LAMA1: variants seen among roughly 807,000 people sequenced by gnomAD.
LAMA1 encodes the protein laminin subunit alpha 1.
LAMA1 carries 219 observed loss-of-function variants against 348.7 expected under a neutral mutation model. The observed-to-expected ratio is 0.63, with a 90% CI of 0.56 to 0.70. The LOEUF is 0.70. Among genes scored for constraint, LAMA1 ranks in the 30% least tolerant of loss-of-function variants. LAMA1 has a pLI of 0.00. For synonymous variants in LAMA1, 1,487 were observed against 1,491.0 expected, an observed-to-expected ratio of 1.00 and a Z score of 0.06; for missense variants, 3,744 against 3,888.0, an observed-to-expected ratio of 0.96 and a Z score of 0.99.
At chr18:7,057,029 G>A (rs2058084897) in intron 3 of LAMA1, among the ~76,000 whole-genome samples, 1 of 152,044 alleles carries the variant, frequency 6.6e-6, no homozygotes. Context: ...ACGCCACCAT[G>A]TCCAGCTAAT....
chr18:7,049,254 G>C lies in LAMA1; in HGVS notation c.592C>G (p.His198Asp). 3 of 1,613,212 alleles carry C rather than the reference G, an allele frequency of 1.9e-6. No individual in the cohort carries two copies. The highest frequency in any genetic ancestry group is 2.5e-6 in the Non-Finnish European group (3 of 1,179,198). Reference protein sequence around the residue: ...RLVPLEHGEIHTSLINGRPSA... With the variant: ...RLVPLEHGEIDTSLINGRPSA... ...GGTCTGCCATTGATGAGTGATGTAT[G>C]AATCTGAAGATGAAGGCATCAAAAT... is the stretch of plus-strand genomic sequence containing the variant. The change falls in exon 5 of 63, where the codon CAT (histidine) becomes GAT (aspartate). Residue 198 changes from histidine (H) to aspartate (D), a missense_variant. By Grantham distance (81) the His-to-Asp change is moderately conservative. Coordinates refer to ENST00000389658, the MANE Select transcript of LAMA1 (RefSeq NM_005559.4).
intron 50 of LAMA1, 115 bp downstream of exon 50, chr18:6,965,173 T>C (rs1158948193): frequency 5.2e-6 from 7 of 1,334,664 alleles, no homozygotes; most frequent in South Asian, 3.6e-5. Context: ...GGCTTCCAAG[T>C]AGACTATCAT....
intron 56 of LAMA1, chr18:6,956,127 C>G (rs16950866): frequency 0.029 from 9,225 of 322,182 alleles, 282 homozygotes; most frequent in African/African-American, 0.091. Flanking sequence ...TTGAATGCTT[C>G]TGCCATCTTC....
At chr18:7,051,076 T>G in intron 3 of LAMA1, 140 bp from the exon 4 acceptor site, 1 of 1,124,400 alleles carries the variant, frequency 8.9e-7, no homozygotes, top group South Asian at 1.4e-5. Flanking sequence ...GTGGCTGCCA[T>G]GAGGTGCGAG....
chr18:7,102,430 A>C (rs1259926690), intron 1 of LAMA1, among the ~76,000 whole-genome samples: 3 of 152,112 alleles, frequency 2.0e-5, no homozygotes, highest in Admixed American at 6.5e-5. Context: ...AAAAAAAAGA[A>C]AAACCTCTAC....
chr18:6,942,654 T>A (rs2057504358), intron 62 of LAMA1, among the ~76,000 whole-genome samples: 1 of 152,132 alleles, frequency 6.6e-6, no homozygotes, highest in Non-Finnish European at 1.5e-5. Flanking sequence ...CCTCAAGTGA[T>A]CCACCCACCT....
At chr18:7,051,039 T>C in intron 3 of LAMA1, 103 bp from the exon 4 acceptor site, 1 of 1,440,452 alleles carries the variant, frequency 6.9e-7, no homozygotes. Flanking sequence ...TCTAAGATAG[T>C]TGAACTTAGA....
chr18:6,989,815 C>G (rs1034268492), intron 36 of LAMA1, among the ~76,000 whole-genome samples: 1 of 152,264 alleles, frequency 6.6e-6, no homozygotes, highest in East Asian at 1.9e-4. Flanking sequence ...GCTCCACTCC[C>G]TAACCTTCCT....
intron 3 of LAMA1, among the ~76,000 whole-genome samples, chr18:7,052,396 A>G (rs773658519): frequency 8.0e-5 from 12 of 150,682 alleles, no homozygotes; most frequent in South Asian, 2.1e-4. Flanking sequence ...GCACCACTGC[A>G]CTCCAGCTTG....
Position 6,994,047 on chromosome 18 carries a change from G to T in LAMA1, c.4897-295C>A, listed in dbSNP as rs539879627. Among the ~76,000 whole-genome samples, 3 of 152,294 alleles carry T rather than the reference G, an allele frequency of 2.0e-5. No individual in the cohort carries two copies. In the South Asian group the frequency reaches 6.2e-4, roughly 32 times the overall value. ...TACAGATTCTCCTAGTGGCTATACTGTGAGGGCCCTCGATTCACTTTAAAA... is the reference window on the plus strand; with the variant it reads ...TACAGATTCTCCTAGTGGCTATACTTTGAGGGCCCTCGATTCACTTTAAAA... On this transcript the variant is annotated intron_variant, in intron 34 of 62. Coordinates refer to ENST00000389658, the MANE Select transcript of LAMA1 (RefSeq NM_005559.4).
At chr18:7,086,359 C>T in intron 1 of LAMA1, among the ~76,000 whole-genome samples, 1 of 152,218 alleles carries the variant, frequency 6.6e-6, no homozygotes. Flanking sequence ...CAGACAGGAA[C>T]AGATACAACG....
intron 22 of LAMA1, among the ~76,000 whole-genome samples, chr18:7,014,745 G>C (rs1443020858): frequency 6.6e-6 from 1 of 152,040 alleles, no homozygotes; most frequent in African/African-American, 2.4e-5. Context: ...TCATGGTTTG[G>C]ACATAAACCC....
intron 23 of LAMA1, among the ~76,000 whole-genome samples, 166 bp downstream of exon 23, chr18:7,013,649 C>T (rs67268419): frequency 0.12 from 17,674 of 152,140 alleles, 1,115 homozygotes; most frequent in Non-Finnish European, 0.14. Context: ...AAAAATCATC[C>T]GTCACTCTAG....
rs1451165895 is a variant in LAMA1 at position 6,950,853 on chromosome 18, T to A, written c.8326A>T (p.Met2776Leu). 4 of 1,613,994 alleles carry A rather than the reference T, an allele frequency of 2.5e-6. No individual in the cohort carries two copies. Among genetic ancestry groups the A allele is most frequent in the Non-Finnish European group, 3.4e-6 (4 of 1,180,026 alleles). ...GTTCTGCCTTTGCCAAGGTCAAACA[T>A]GAAGTGGAGGCGGCCCCCGTGCAGC... The part of the protein sequence containing the change: ...LQLHGGRLHF[M>L]FDLGKGRTKV... Residue 2776 changes from methionine to leucine, a missense_variant, in exon 58 of 63, where the codon ATG (methionine) becomes TTG (leucine). By Grantham distance (15) the Met-to-Leu change is conservative. Coordinates refer to ENST00000389658, the MANE Select transcript of LAMA1 (RefSeq NM_005559.4).
rs2057592015 is a variant in LAMA1, at chr18:6,958,618, T to G, written c.7823A>C (p.Lys2608Thr). ...CCTGCTTTCTACTAATGTGCCCAAC[T>G]TCATTTCCACAGGATTGTTCTCATC... is the stretch of plus-strand genomic sequence containing the variant. The part of the protein sequence containing the change: ...QLDENNPVEM[K>T]LGTLVESRTI... The change falls in exon 55 of 63, where the codon AAG (lysine) becomes ACG (threonine). Residue 2608 changes from lysine (K) to threonine (T), a missense_variant. By Grantham distance (78) the Lys-to-Thr change is moderately conservative (BLOSUM62 -1). Coordinates refer to ENST00000389658, the MANE Select transcript of LAMA1 (RefSeq NM_005559.4). 3 of 1,614,192 alleles carry G rather than the reference T, an allele frequency of 1.9e-6. No individual in the cohort carries two copies. Among genetic ancestry groups the G allele is most frequent in the East Asian group, 2.2e-5 (1 of 44,886 alleles).
chr18:7,041,679 G>A (rs1292594101), intron 9 of LAMA1, among the ~76,000 whole-genome samples: 1 of 152,216 alleles, frequency 6.6e-6, no homozygotes, highest in East Asian at 1.9e-4. Flanking sequence ...TTATGCAAAA[G>A]CCCTCCAAAT....
At chr18:7,018,285 A>G (rs1350503766) in intron 19 of LAMA1, among the ~76,000 whole-genome samples, 1 of 141,198 alleles carries the variant, frequency 7.1e-6, no homozygotes, top group African/African-American at 2.7e-5. Flanking sequence ...GCAGTGAGCC[A>G]AGATCACACC....
rs1243187908 is a variant in LAMA1, at chr18:6,997,865, T to C, written c.4683A>G (p.Val1561=). 8.7e-6 allele frequency: 14 copies of C among 1,614,152 alleles called. No individual in the cohort carries two copies. Among genetic ancestry groups the C allele is most frequent in the Middle Eastern group, 1.6e-4 (1 of 6,062 alleles). The part of the protein sequence containing the change: ...TDCVSCDDEC[V]GVLLNDLDEI... ...CATCCAAGTCATTCAGCAGCACACC[T>C]ACACACTCATCATCACAGGCTACAA... Residue 1561 remains valine, a synonymous_variant, in exon 33 of 63, where the codon GTA becomes GTG. Transcript: ENST00000389658.
At chr18:7,062,927 CTTA>C (rs1260970860) in intron 3 of LAMA1, among the ~76,000 whole-genome samples, 3 of 152,140 alleles carry the variant, frequency 2.0e-5, no homozygotes, top group South Asian at 2.1e-4. Flanking sequence ...CTTCGCATGC[CTTA>C]TTATGAGAAA....
Sources: allele counts gnomAD v4.1 joint callset (sites outside exome capture counted in the v4.1 genomes callset), GRCh38; gene constraint gnomAD v4.1.1; transcripts MANE v1.5; gene names NCBI Gene and HGNC (gene_info 2026-07-23, HGNC 2026-07-21).